Variants in CRTC1 observed in about 807,000 individuals in gnomAD.
The protein encoded by CRTC1 is CREB-regulated transcription coactivator 1.
A neutral mutation model predicts 66.1 loss-of-function variants in CRTC1; 18 were observed. The ratio of observed to expected loss-of-function variants is 0.27; its 90% CI spans 0.19 to 0.40. The LOEUF is 0.40. Among genes scored for constraint, CRTC1 ranks in the 10% least tolerant of loss-of-function variants. CRTC1 has a pLI of 1.00. For missense variants in CRTC1, 669 were observed against 887.9 expected (o/e 0.75, Z 3.13); for synonymous variants, 416 against 398.8 (o/e 1.04, Z -0.51).
rs1047275319 is a variant in CRTC1 at position 18,768,294 on chromosome 19, T to C, written c.1012-191T>C. Among the ~76,000 whole-genome samples the C allele has an allele frequency of 3.9e-5, 6 of 152,284 alleles. No homozygotes were observed. In the East Asian group the frequency reaches 1.2e-3, roughly 29 times the overall value. ...TCCTGCCCAGCTCCAGCTGACCCCC[T>C]TGGGGCCCTGCGTGAGGCCCACCCT... On this transcript the variant is annotated intron_variant, in intron 9 of 13. Coordinates refer to ENST00000321949, the MANE Select transcript of CRTC1 (RefSeq NM_015321.3). The surrounding 1 kb of genome is among the most constrained non-coding windows in gnomAD (Gnocchi z 5.6).
At chr19:18,708,670 C>T (rs900940773) in intron 1 of CRTC1, among the ~76,000 whole-genome samples, 3 of 152,150 alleles carry the variant, frequency 2.0e-5, no homozygotes, top group South Asian at 2.1e-4. Flanking sequence ...GCCAAGTCCT[C>T]GGGGAGCCAA....
chr19:18,729,873 T>C (rs2145672074), intron 1 of CRTC1, among the ~76,000 whole-genome samples: 1 of 152,298 alleles, frequency 6.6e-6, no homozygotes, highest in East Asian at 1.9e-4. Context: ...TTCTTGGCCC[T>C]GCTGGAGCCT....
chr19:18,734,705 C>T (rs2053961222), intron 1 of CRTC1, among the ~76,000 whole-genome samples: 1 of 152,236 alleles, frequency 6.6e-6, no homozygotes, highest in Admixed American at 6.5e-5. Context: ...AAAACAGATG[C>T]GGGACGTCAG....
At chr19:18,770,662 C>T (rs1310509619) in intron 10 of CRTC1, among the ~76,000 whole-genome samples, 1 of 151,838 alleles carries the variant, frequency 6.6e-6, no homozygotes. Context: ...AATGTGTGTG[C>T]ATGTGTGCAT....
At position 18,775,728 on chromosome 19, in the gene CRTC1, A is replaced by C; in HGVS notation, c.1600A>C (p.Met534Leu). 1 of 1,612,708 alleles carries C rather than the reference A, an allele frequency of 6.2e-7. No individual in the cohort carries two copies. The highest frequency in any genetic ancestry group is 8.5e-7 in the Non-Finnish European group (1 of 1,179,832). The change falls in exon 13 of 14, where the codon ATG becomes CTG. Residue 534 changes from methionine (M) to leucine (L), a missense_variant. Transcript: ENST00000321949. The stretch of plus-strand genomic sequence containing the variant: ...CACACTCAACTACTCGCAGGCGGCC[A>C]TGATGGGCCTCACGGGCAGCCACGG... ...GSTLNYSQAA[M>L]MGLTGSHGSL...
In CRTC1 at chr19:18,771,705, AC is replaced by A. The variant is rs1319044022; in HGVS notation, c.1425+161del. Among the ~76,000 whole-genome samples the A allele has an allele frequency of 2.0e-5, 3 of 152,144 alleles. No individual in the cohort carries two copies. The East Asian group carries it at 5.8e-4, about 29-fold the overall frequency. On this transcript the variant is annotated intron_variant, in intron 11 of 13. Transcript: ENST00000321949. This position sits in a 1 kb window ranked among gnomAD's most constrained non-coding sequence, Gnocchi z 4.6. The stretch of plus-strand genomic sequence containing the variant: ...GCCATCGGACCTGAGCTGTGCACCT[AC>A]CAGGCTGCACCAGGGCAGGAACCCC...
At chr19:18,692,969 G>A (rs1175531666) in intron 1 of CRTC1, among the ~76,000 whole-genome samples, 1 of 151,484 alleles carries the variant, frequency 6.6e-6, no homozygotes, top group Non-Finnish European at 1.5e-5. Flanking sequence ...CAGCTACTCG[G>A]GAGGCTGAGA....
chr19:18,768,793 G>A lies in CRTC1; in HGVS notation c.1320G>A (p.Ser440=), dbSNP rs139110198. The change falls in exon 10 of 14, where the codon TCG becomes TCA. Residue 440 remains serine, a splice_region_variant and synonymous_variant. Coordinates refer to ENST00000321949, the MANE Select transcript of CRTC1 (RefSeq NM_015321.3). This position sits in a 1 kb window ranked among gnomAD's most constrained non-coding sequence, Gnocchi z 5.6. ...GQPSMGIDIA[S]APALQQYRTS... ...CATCGATGGGGATCGACATCGCCTC[G>A]GTAAGCCCAGGGTGGGGTCCCTCGG... 1.1e-5 allele frequency: 18 copies of A among 1,594,452 alleles called. No homozygotes were observed. Among genetic ancestry groups the A allele is most frequent in the African/African-American group, 2.7e-5 (2 of 74,330 alleles).
At chr19:18,693,521 G>A (rs1167307307) in intron 1 of CRTC1, among the ~76,000 whole-genome samples, 4 of 133,686 alleles carry the variant, frequency 3.0e-5, no homozygotes, top group Non-Finnish European at 4.6e-5. Context: ...TCTCTCTGTC[G>A]CCCAGGCTAG....
intron 1 of CRTC1, among the ~76,000 whole-genome samples, chr19:18,716,507 C>T (rs1283576427): frequency 6.6e-6 from 1 of 152,204 alleles, no homozygotes; most frequent in African/African-American, 2.4e-5. Flanking sequence ...ACCTTGGCCT[C>T]CCAAAGTGCT....
chr19:18,701,382 C>G (rs781625749), intron 1 of CRTC1, among the ~76,000 whole-genome samples: 1 of 152,256 alleles, frequency 6.6e-6, no homozygotes, highest in African/African-American at 2.4e-5. Context: ...TGTCTGGCCC[C>G]GTGCCCGGCC....
intron 5 of CRTC1, among the ~76,000 whole-genome samples, chr19:18,751,125 G>A (rs2054353688): frequency 6.6e-6 from 1 of 152,124 alleles, no homozygotes; most frequent in Non-Finnish European, 1.5e-5. Flanking sequence ...CTGCCTCCTC[G>A]CAGCCTGGCT....
chr19:18,718,020 A>G (rs1401446539), intron 1 of CRTC1, among the ~76,000 whole-genome samples: 1 of 152,198 alleles, frequency 6.6e-6, no homozygotes, highest in Non-Finnish European at 1.5e-5. Context: ...CACATAACAT[A>G]AGATTCACCA....
At chr19:18,737,125 C>T (rs1175519316) in intron 1 of CRTC1, among the ~76,000 whole-genome samples, 2 of 152,062 alleles carry the variant, frequency 1.3e-5, no homozygotes, top group Non-Finnish European at 2.9e-5. Context: ...GTAGACTTAG[C>T]AGGAGTGTGG....
At chr19:18,717,637 C>T (rs996308014) in intron 1 of CRTC1, among the ~76,000 whole-genome samples, 2 of 152,134 alleles carry the variant, frequency 1.3e-5, no homozygotes, top group African/African-American at 4.8e-5. Flanking sequence ...TCAAACACTG[C>T]CTTCCAGTCT....
At chr19:18,693,481 T>G (rs1352352351) in intron 1 of CRTC1, among the ~76,000 whole-genome samples, 2 of 143,624 alleles carry the variant, frequency 1.4e-5, no homozygotes, top group Admixed American at 6.8e-5. Flanking sequence ...ACTCTTTTGT[T>G]TTTGTTTTTT....
Position 18,741,160 on chromosome 19 carries a change from G to C in CRTC1, c.127-1750G>C, listed in dbSNP as rs1173946870. On this transcript the variant is annotated intron_variant, in intron 1 of 13. Coordinates refer to ENST00000321949, the MANE Select transcript of CRTC1 (RefSeq NM_015321.3). This position sits in a 1 kb window ranked among gnomAD's most constrained non-coding sequence, Gnocchi z 4.2. ...TGGGCAAGGTTTGGACAGAGATGGG[G>C]CTTGGGAACCATGAGAGTTCTGTGT... Among the ~76,000 whole-genome samples, 1 of 152,230 alleles carries C rather than the reference G, an allele frequency of 6.6e-6. No individual in the cohort carries two copies. Among genetic ancestry groups the C allele is most frequent in the South Asian group, 2.1e-4 (1 of 4,832 alleles).
Position 18,753,530 on chromosome 19 carries a change from A to G in CRTC1, c.569A>G (p.Glu190Gly). The change falls in exon 6 of 14, where the codon GAG becomes GGG. Residue 190 changes from glutamate (E) to glycine (G), a missense_variant. By Grantham distance (98) the Glu-to-Gly change is moderately conservative. Around this residue, in one of 8 missense-constraint regions of CRTC1, gnomAD observed 214 missense variants for 323.4 expected, o/e 0.66. Coordinates refer to ENST00000321949, the MANE Select transcript of CRTC1 (RefSeq NM_015321.3). ...VLLLTVPGME[E>G]TTSEADKNLS... is the part of the protein sequence containing the mutation. ...CTGTTAACAGTCCCAGGAATGGAAG[A>G]GACCACATCAGAGGCAGACAAAAAC... 2.5e-6 allele frequency: 4 copies of G among 1,613,210 alleles called. No individual in the cohort carries two copies. Among genetic ancestry groups the G allele is most frequent in the Non-Finnish European group, 3.4e-6 (4 of 1,179,518 alleles).
At chr19:18,723,817 CT>C (rs2053682398) in intron 1 of CRTC1, among the ~76,000 whole-genome samples, 1 of 152,206 alleles carries the variant, frequency 6.6e-6, no homozygotes, top group Non-Finnish European at 1.5e-5. Context: ...GAGACAGCCC[CT>C]GCGTCGACCC....
Sources: allele counts gnomAD v4.1 joint callset (sites outside exome capture counted in the v4.1 genomes callset), GRCh38; gene constraint gnomAD v4.1.1; regional missense constraint gnomAD v4.1.1; non-coding constraint Gnocchi (gnomAD v3.1); transcripts MANE v1.5; gene names NCBI Gene and HGNC (gene_info 2026-07-23, HGNC 2026-07-21).